Variants in PDE4D observed in about 807,000 individuals in gnomAD.
PDE4D encodes 3',5'-cyclic-AMP phosphodiesterase 4D.
In PDE4D, 24 loss-of-function variants were observed where a neutral mutation model predicts 87.4. The ratio of observed to expected loss-of-function variants is 0.27; its 90% CI spans 0.20 to 0.39. The LOEUF (loss-of-function observed/expected upper bound fraction) is 0.39, where lower values mean the gene tolerates loss of function less well. PDE4D is among the 10% of genes least tolerant of loss of function. The pLI is 1.00. For synonymous variants in PDE4D, 384 were observed against 383.2 expected, an observed-to-expected ratio of 1.00 and a Z score of -0.02; for missense variants, 714 against 1,041.0, an observed-to-expected ratio of 0.69 and a Z score of 4.32.
intron 1 of PDE4D, among the ~76,000 whole-genome samples, chr5:60,262,227 C>T (rs919112518): frequency 2.4e-4 from 37 of 152,098 alleles, no homozygotes; most frequent in Admixed American, 5.9e-4. Flanking sequence ...GAGTTGCTCC[C>T]GTCCCTCAAA....
At chr5:59,669,486 T>C (rs1746822081) in intron 1 of PDE4D, among the ~76,000 whole-genome samples, 1 of 152,176 alleles carries the variant, frequency 6.6e-6, no homozygotes, top group Admixed American at 6.5e-5. Context: ...TACATAAATA[T>C]TGACAGATGA....
intron 2 of PDE4D, among the ~76,000 whole-genome samples, chr5:60,081,671 G>T (rs1004676726): frequency 2.6e-5 from 4 of 151,962 alleles, no homozygotes; most frequent in Admixed American, 1.3e-4. Flanking sequence ...TCAGGAGCAG[G>T]TTGTTCAATT....
intron 1 of PDE4D, among the ~76,000 whole-genome samples, chr5:59,538,283 A>G (rs1196679039): frequency 6.6e-6 from 1 of 151,764 alleles, no homozygotes; most frequent in East Asian, 1.9e-4. Context: ...CATGAGAAGT[A>G]TTTATGAGAA....
At chr5:59,774,689 CTTTTTTT>C (rs71604800) in intron 1 of PDE4D, among the ~76,000 whole-genome samples, 1 of 132,408 alleles carries the variant, frequency 7.6e-6, no homozygotes, top group Admixed American at 7.6e-5. Context: ...TTTCTTTTTT[CTTTTTTT>C]TTTTTTTCTG....
At chr5:60,034,111 T>C (rs1043415143) in intron 2 of PDE4D, among the ~76,000 whole-genome samples, 8 of 151,962 alleles carry the variant, frequency 5.3e-5, no homozygotes, top group East Asian at 3.9e-4. Flanking sequence ...ATGTGGGAGA[T>C]AGGAAGAAGC....
At chr5:59,194,137 C>G (rs921693797) in intron 2 of PDE4D, among the ~76,000 whole-genome samples, 13 of 152,108 alleles carry the variant, frequency 8.5e-5, no homozygotes, top group African/African-American at 2.9e-4. Flanking sequence ...CCAGCTACAC[C>G]GTGCCTGGGG....
At chr5:60,175,922 G>A (rs1003439754) in intron 2 of PDE4D, among the ~76,000 whole-genome samples, 3 of 151,978 alleles carry the variant, frequency 2.0e-5, no homozygotes, top group Admixed American at 6.6e-5. Context: ...CCCTCACCAC[G>A]ATCATTCTTC....
At chr5:60,492,274 G>A (rs1293171227), upstream of PDE4D, among the ~76,000 whole-genome samples, 2 of 151,902 alleles carry the variant, frequency 1.3e-5, no homozygotes, top group Admixed American at 1.3e-4. Flanking sequence ...GCAAAAAAGA[G>A]AAACAAATAA....
chr5:59,758,617 G>A (rs1364221509), intron 1 of PDE4D, among the ~76,000 whole-genome samples: 1 of 152,176 alleles, frequency 6.6e-6, no homozygotes, highest in Non-Finnish European at 1.5e-5. Context: ...AATCTTTACA[G>A]TGATCTATAC....
intron 3 of PDE4D, among the ~76,000 whole-genome samples, chr5:59,944,463 C>G (rs1318752248): frequency 1.3e-5 from 2 of 152,178 alleles, no homozygotes; most frequent in African/African-American, 2.4e-5. Flanking sequence ...AGCTCCGCCT[C>G]CGGGGTTGAC....
At chr5:59,545,575 T>G (rs1356864021) in intron 1 of PDE4D, among the ~76,000 whole-genome samples, 3 of 152,184 alleles carry the variant, frequency 2.0e-5, no homozygotes, top group African/African-American at 7.2e-5. Flanking sequence ...AGAGTTTGTA[T>G]TAAATATGAA....
chr5:60,266,208 G>C (rs1750190459), intron 1 of PDE4D, among the ~76,000 whole-genome samples: 1 of 152,182 alleles, frequency 6.6e-6, no homozygotes. Flanking sequence ...GGGAGAAAGA[G>C]AGAGAGGGAA....
At chr5:59,755,110 T>C (rs185222670) in intron 1 of PDE4D, among the ~76,000 whole-genome samples, 1 of 152,192 alleles carries the variant, frequency 6.6e-6, no homozygotes. Context: ...TTGAATTAAA[T>C]AAGGAGAAGC....
chr5:59,291,247 G>A (rs1226022528), intron 1 of PDE4D, among the ~76,000 whole-genome samples: 1 of 152,010 alleles, frequency 6.6e-6, no homozygotes, highest in Non-Finnish European at 1.5e-5. Context: ...GTACTATTTA[G>A]CCATAAAAAA....
chr5:60,023,528 T>C (rs993070451), intron 2 of PDE4D, among the ~76,000 whole-genome samples: 7 of 152,164 alleles, frequency 4.6e-5, no homozygotes, highest in South Asian at 2.1e-4. Context: ...TAAGCCTTTC[T>C]TCCTGCTTCA....
intron 1 of PDE4D, among the ~76,000 whole-genome samples, chr5:60,316,876 G>A (rs1202582356): frequency 3.9e-5 from 6 of 152,110 alleles, no homozygotes. Context: ...ATGTGCTGCT[G>A]GATTCGGTTT....
Position 58,969,237 on chromosome 5 carries a change from A to G in PDE4D, c.*5427T>C, listed in dbSNP as rs1238882903. The G allele has an allele frequency of 1.3e-5, 2 of 152,200 alleles. No homozygotes were observed. Among genetic ancestry groups the G allele is most frequent in the African/African-American group, 2.4e-5 (1 of 41,450 alleles). 9.4% of individuals were successfully genotyped at this position (152,200 alleles called of 1,614,324 possible). A position where few individuals can be genotyped will look rare whatever the true frequency, so the allele number is the denominator to read the frequency against. ...AGCTGTGGTCTGGTGGGAGAGACAG[A>G]TAACAAAAACAAACACGTATATAAA... On this transcript the variant is annotated 3_prime_UTR_variant, in exon 15 of 15. Transcript: ENST00000340635.
intron 5 of PDE4D, among the ~76,000 whole-genome samples, chr5:59,157,632 G>GTA (rs1456808833): frequency 1.3e-5 from 2 of 152,164 alleles, no homozygotes; most frequent in African/African-American, 4.8e-5. Context: ...TGAGAAGAAT[G>GTA]TATATTGGGT....
chr5:59,925,705 C>G (rs1037430903), intron 3 of PDE4D, among the ~76,000 whole-genome samples: 8 of 152,014 alleles, frequency 5.3e-5, no homozygotes, highest in African/African-American at 1.5e-4. Context: ...CAAAAAAGAA[C>G]AGGAATAGTT....
Sources: allele counts gnomAD v4.1 joint callset (sites outside exome capture counted in the v4.1 genomes callset), GRCh38; gene constraint gnomAD v4.1.1; transcripts MANE v1.5; gene names NCBI Gene and HGNC (gene_info 2026-07-23, HGNC 2026-07-21).